Variants in STIM2 observed in about 807,000 individuals in gnomAD.
STIM2 encodes stromal interaction molecule 2.
Under a neutral mutation model 85.8 loss-of-function variants are expected in STIM2, and 31 were observed. The observed-to-expected ratio is 0.36, with a 90% CI of 0.27 to 0.49. The LOEUF (loss-of-function observed/expected upper bound fraction) is 0.49, where lower values mean the gene tolerates loss of function less well. Among genes scored for constraint, STIM2 ranks in the 20% least tolerant of loss-of-function variants. The pLI is 0.98. For synonymous variants in STIM2, 356 were observed against 331.1 expected (o/e 1.08, Z -0.82); for missense variants, 841 against 927.6 (o/e 0.91, Z 1.21).
chr4:26,877,519 T>C (rs565309943), intron 1 of STIM2, among the ~76,000 whole-genome samples: 1 of 151,524 alleles, frequency 6.6e-6, no homozygotes, highest in African/African-American at 2.4e-5. Context: ...ATGGGTTGTT[T>C]TTTTTTTTTT....
At chr4:26,915,799 G>A (rs1419136991) in intron 1 of STIM2, among the ~76,000 whole-genome samples, 1 of 152,162 alleles carries the variant, frequency 6.6e-6, no homozygotes, top group Non-Finnish European at 1.5e-5. Context: ...TTTAACACAA[G>A]GTGAGGGCAC....
intron 1 of STIM2, among the ~76,000 whole-genome samples, chr4:26,919,126 GTT>G (rs113389815): frequency 2.2e-5 from 3 of 136,376 alleles, no homozygotes. Context: ...ATTTTTTAGT[GTT>G]TTTTTTTTTT....
chr4:26,889,460 G>A (rs1723380926), intron 1 of STIM2, among the ~76,000 whole-genome samples: 1 of 152,234 alleles, frequency 6.6e-6, no homozygotes, highest in Admixed American at 6.5e-5. Context: ...AAGGCATTCT[G>A]TGGGTTTGGC....
intron 1 of STIM2, among the ~76,000 whole-genome samples, chr4:26,887,427 T>A (rs1426747667): frequency 6.6e-6 from 1 of 152,128 alleles, no homozygotes; most frequent in Non-Finnish European, 1.5e-5. Context: ...TTACAGGAAC[T>A]TCTCCGGTGT....
intron 1 of STIM2, among the ~76,000 whole-genome samples, chr4:26,919,055 A>G (rs1724699381): frequency 6.6e-6 from 1 of 150,554 alleles, no homozygotes. Flanking sequence ...TTTTGGTGAT[A>G]TTTTCTAGGA....
At chr4:26,911,530 G>A (rs940987269) in intron 1 of STIM2, among the ~76,000 whole-genome samples, 2 of 152,140 alleles carry the variant, frequency 1.3e-5, no homozygotes, top group African/African-American at 4.8e-5. Flanking sequence ...GAGAACATCT[G>A]CAGTGGTTTC....
intron 2 of STIM2, among the ~76,000 whole-genome samples, chr4:26,951,217 T>C (rs1726035914): frequency 6.6e-6 from 1 of 152,166 alleles, no homozygotes; most frequent in Non-Finnish European, 1.5e-5. Flanking sequence ...TAGAATAAAT[T>C]CTGAAAAGTA....
chr4:26,947,650 A>G (rs1168909718), intron 2 of STIM2, among the ~76,000 whole-genome samples: 1 of 152,112 alleles, frequency 6.6e-6, no homozygotes, highest in East Asian at 1.9e-4. Flanking sequence ...GTGAGACCCC[A>G]TCTTCCTGCT....
At chr4:26,927,964 A>G (rs1346813133) in intron 2 of STIM2, among the ~76,000 whole-genome samples, 3 of 151,140 alleles carry the variant, frequency 2.0e-5, no homozygotes, top group East Asian at 1.9e-4. Context: ...TCTATAATGA[A>G]CAGAAATTTA....
chr4:26,883,091 C>T (rs912701129), intron 1 of STIM2, among the ~76,000 whole-genome samples: 4 of 151,466 alleles, frequency 2.6e-5, no homozygotes, highest in African/African-American at 4.9e-5. Context: ...TCCGGTGATC[C>T]GCCCACCTTG....
At chr4:26,997,906 T>G (rs1728015965) in intron 4 of STIM2, among the ~76,000 whole-genome samples, 1 of 152,216 alleles carries the variant, frequency 6.6e-6, no homozygotes, top group Admixed American at 6.5e-5. Flanking sequence ...TTCCTGTAAT[T>G]TTTCCATACT....
chr4:26,974,931 CG>C (rs1212769307), intron 3 of STIM2, among the ~76,000 whole-genome samples: 1 of 152,032 alleles, frequency 6.6e-6, no homozygotes, highest in Non-Finnish European at 1.5e-5. Context: ...AGGCTTTGTT[CG>C]TTTCTTTTTA....
At chr4:26,929,425 G>A (rs1725117086) in intron 2 of STIM2, among the ~76,000 whole-genome samples, 3 of 151,950 alleles carry the variant, frequency 2.0e-5, no homozygotes, top group Admixed American at 6.6e-5. Flanking sequence ...ATTATTTTAT[G>A]GACCTTTACT....
At chr4:26,981,725 A>G (rs1727403784) in intron 3 of STIM2, among the ~76,000 whole-genome samples, 1 of 152,234 alleles carries the variant, frequency 6.6e-6, no homozygotes, top group Non-Finnish European at 1.5e-5. Flanking sequence ...CTTCAAAAAC[A>G]TCACTTTTGT....
In STIM2 at chr4:27,025,213, T is replaced by C. The variant is rs1459200548; in HGVS notation, c.*2217T>C. On this transcript the variant is annotated 3_prime_UTR_variant, in exon 12 of 12. Coordinates refer to ENST00000467087, the MANE Select transcript of STIM2 (RefSeq NM_020860.4). ...TAATACAGTATACACATTTGTAAAT[T>C]CAACAGGAAATTATTGAGTTTTGGA... The C allele has an allele frequency of 2.0e-5, 3 of 152,228 alleles. No individual in the cohort carries two copies. Among genetic ancestry groups the C allele is most frequent in the Non-Finnish European group, 4.4e-5 (3 of 68,038 alleles). The allele number at this position is 152,228 out of a possible 1,614,324, so 9.4% of individuals were successfully genotyped here.
chr4:26,922,931 A>G (rs1361940872), intron 2 of STIM2, among the ~76,000 whole-genome samples: 1 of 152,108 alleles, frequency 6.6e-6, no homozygotes, highest in Non-Finnish European at 1.5e-5. Flanking sequence ...TTCTCATTAT[A>G]TATATTATAT....
At chr4:26,945,942 T>C (rs1725821116) in intron 2 of STIM2, among the ~76,000 whole-genome samples, 1 of 152,212 alleles carries the variant, frequency 6.6e-6, no homozygotes, top group African/African-American at 2.4e-5. Flanking sequence ...ATTATAGTGA[T>C]GTCAGTTAGA....
At chr4:26,915,028 C>T (rs1278028546) in intron 1 of STIM2, among the ~76,000 whole-genome samples, 1 of 152,074 alleles carries the variant, frequency 6.6e-6, no homozygotes, top group African/African-American at 2.4e-5. Context: ...GACACTTGAG[C>T]ATAGATTTGG....
rs1729037138 is a variant in STIM2 at position 27,024,992 on chromosome 4, A to G, written c.*1996A>G. ...GGCCCACTGCTGCTCCTGGGTGAGA[A>G]GGGAGCTCTGGAGCAGGACCAGCTG... On this transcript the variant is annotated 3_prime_UTR_variant, in exon 12 of 12. Coordinates refer to ENST00000467087, the MANE Select transcript of STIM2 (RefSeq NM_020860.4). The G allele has an allele frequency of 6.6e-6, 1 of 152,330 alleles. No homozygotes were observed. Among genetic ancestry groups the G allele is most frequent in the South Asian group, 2.1e-4 (1 of 4,822 alleles). The allele number at this position is 152,330 out of a possible 1,614,324, so 9.4% of individuals were successfully genotyped here.
Sources: allele counts gnomAD v4.1 joint callset (sites outside exome capture counted in the v4.1 genomes callset), GRCh38; gene constraint gnomAD v4.1.1; transcripts MANE v1.5; gene names NCBI Gene and HGNC (gene_info 2026-07-23, HGNC 2026-07-21).